Variants in PPP1R13B observed in about 807,000 individuals in gnomAD.
The protein encoded by PPP1R13B is apoptosis-stimulating of p53 protein 1.
PPP1R13B carries 44 observed loss-of-function variants against 119.8 expected under a neutral mutation model. That is an observed-to-expected ratio of 0.37 (90% CI 0.29 to 0.47). The LOEUF is 0.47. Among genes scored for constraint, PPP1R13B ranks in the 20% least tolerant of loss-of-function variants. PPP1R13B has a pLI of 0.99. For missense variants in PPP1R13B, 1,227 were observed against 1,413.5 expected (o/e 0.87, Z 2.12); for synonymous variants, 542 against 561.5 (o/e 0.97, Z 0.49).
At chr14:103,805,536 A>C (rs910179509) in intron 1 of PPP1R13B, among the ~76,000 whole-genome samples, 2 of 151,924 alleles carry the variant, frequency 1.3e-5, no homozygotes, top group African/African-American at 4.8e-5. Context: ...ATGCCACTGC[A>C]CTCCAGCTTG....
intron 3 of PPP1R13B, 116 bp downstream of exon 3, chr14:103,784,679 A>C: frequency 1.0e-6 from 1 of 978,196 alleles, no homozygotes; most frequent in Non-Finnish European, 1.4e-6. Context: ...CTTTCCCTCT[A>C]GCCACTTGTA....
chr14:103,754,905 G>A (rs532997561), intron 5 of PPP1R13B, among the ~76,000 whole-genome samples: 22 of 151,894 alleles, frequency 1.4e-4, no homozygotes, highest in African/African-American at 3.9e-4. Flanking sequence ...TCAGTCTACC[G>A]AGTAGCTGGG....
At chr14:103,795,411 T>G (rs530783489) in intron 2 of PPP1R13B, among the ~76,000 whole-genome samples, 8 of 152,154 alleles carry the variant, frequency 5.3e-5, no homozygotes, top group Non-Finnish European at 1.2e-4. Flanking sequence ...TGTACTGTGC[T>G]GTGACTCTGT....
At chr14:103,830,027 T>C (rs183919666) in intron 1 of PPP1R13B, among the ~76,000 whole-genome samples, 67 of 152,278 alleles carry the variant, frequency 4.4e-4, no homozygotes, top group African/African-American at 1.5e-3. Context: ...TCCACCCACC[T>C]TGGCCTCCCA....
rs762616764 is a variant in PPP1R13B, at chr14:103,797,527, C to T, written c.10-9G>A. On this transcript the variant is annotated splice_polypyrimidine_tract_variant and intron_variant, in intron 1 of 16. Coordinates refer to ENST00000202556, the MANE Select transcript of PPP1R13B (RefSeq NM_015316.3). ...AAAACAGTTAATATCATCTGTAAGACAAAAGAGTAAAGCTGTAATTTAGAT... is the reference window on the plus strand; with the variant it reads ...AAAACAGTTAATATCATCTGTAAGATAAAAGAGTAAAGCTGTAATTTAGAT... 4 of 1,606,478 alleles carry T rather than the reference C, an allele frequency of 2.5e-6. No individual in the cohort carries two copies. Among genetic ancestry groups the T allele is most frequent in the Non-Finnish European group, 3.4e-6 (4 of 1,175,098 alleles).
Position 103,733,731 on chromosome 14 carries a change from C to T in PPP1R13B, c.*1423G>A, listed in dbSNP as rs2084012289. 6.6e-6 allele frequency: 1 copy of T among 152,462 alleles called. No individual in the cohort carries two copies. Among genetic ancestry groups the T allele is most frequent in the Non-Finnish European group, 1.5e-5 (1 of 68,084 alleles). 9.4% of individuals were successfully genotyped at this position (152,462 alleles called of 1,614,324 possible). A position where few individuals can be genotyped will look rare whatever the true frequency, so the allele number is the denominator to read the frequency against. ...CTCGTGCCACAGCGCAGTCTGGGTCCAGAAAGAAGACTCACAGCCGCCGGG... is the reference window on the plus strand; with the variant it reads ...CTCGTGCCACAGCGCAGTCTGGGTCTAGAAAGAAGACTCACAGCCGCCGGG... On this transcript the variant is annotated 3_prime_UTR_variant, in exon 17 of 17. Transcript: ENST00000202556.
chr14:103,755,842 T>A (rs946110581), intron 5 of PPP1R13B, among the ~76,000 whole-genome samples: 21 of 152,236 alleles, frequency 1.4e-4, no homozygotes, highest in Non-Finnish European at 7.4e-5. Context: ...ACTTTCCAAT[T>A]GAACTTAACT....
chr14:103,738,735 G>A lies in PPP1R13B; in HGVS notation c.2808C>T (p.Ile936=), dbSNP rs375642844. The change falls in exon 14 of 17, where the codon ATC becomes ATT. Residue 936 remains isoleucine, a synonymous_variant. Coordinates refer to ENST00000202556, the MANE Select transcript of PPP1R13B (RefSeq NM_015316.3). The surrounding 1 kb of genome is among the most constrained non-coding windows in gnomAD (Gnocchi z 5.6). The stretch of plus-strand genomic sequence containing the variant: ...CACCAAAATCCAGCAGGAACTTCAC[G>A]ATGTGATGGTGGCCGGCGCAGACGG... ...HNAVCAGHHH[I]VKFLLDFGVN... 2.5e-6 allele frequency: 4 copies of A among 1,614,236 alleles called. No homozygotes were observed. Among genetic ancestry groups the A allele is most frequent in the South Asian group, 1.1e-5 (1 of 91,078 alleles).
intron 6 of PPP1R13B, 44 bp from the exon 7 acceptor site, chr14:103,753,240 C>CT: frequency 1.4e-6 from 2 of 1,467,246 alleles, no homozygotes; most frequent in African/African-American, 2.4e-5. Flanking sequence ...TTTAGTTGAT[C>CT]CTTTTTTTTT....
chr14:103,749,685 G>A lies in PPP1R13B; in HGVS notation c.969+109C>T. The A allele has an allele frequency of 4.4e-6, 5 of 1,133,186 alleles. No individual in the cohort carries two copies. In the Middle Eastern group the frequency reaches 6.1e-4, roughly 139 times the overall value. 70.2% of individuals were successfully genotyped at this position (1,133,186 alleles called of 1,614,324 possible). A position where few individuals can be genotyped will look rare whatever the true frequency, so the allele number is the denominator to read the frequency against. On this transcript the variant is annotated intron_variant, in intron 8 of 16. Transcript: ENST00000202556. ...TTTTGATGGTTTATGGCCTATTTAT[G>A]TTTTATCAGTTATGGTGGATGGGGG...
chr14:103,738,583 C>T lies in PPP1R13B; in HGVS notation c.2864+96G>A. ...TGATGGGTGTTCTTGCTCTAATTCT[C>T]TCTTCCGTGCTTCCTAATTGTCTAG... is the stretch of plus-strand genomic sequence containing the variant. On this transcript the variant is annotated intron_variant, in intron 14 of 16. Transcript: ENST00000202556. This position sits in a 1 kb window ranked among gnomAD's most constrained non-coding sequence, Gnocchi z 5.6. The T allele has an allele frequency of 6.5e-7, 1 of 1,534,894 alleles. No homozygotes were observed. The highest frequency in any genetic ancestry group is 8.9e-7 in the Non-Finnish European group (1 of 1,128,832).
intron 4 of PPP1R13B, 51 bp downstream of exon 4, chr14:103,778,694 C>T (rs762027872): frequency 2.0e-6 from 3 of 1,464,368 alleles, no homozygotes; most frequent in Non-Finnish European, 2.9e-6. Flanking sequence ...GTGTAACCCA[C>T]TGCACCTAGC....
intron 1 of PPP1R13B, among the ~76,000 whole-genome samples, chr14:103,843,951 CAA>C (rs35687195): frequency 1.5e-5 from 2 of 132,568 alleles, no homozygotes; most frequent in Non-Finnish European, 3.2e-5. Flanking sequence ...GACTCCGTCT[CAA>C]AAAAAAAAAA....
chr14:103,843,044 T>C (rs2086945462), intron 1 of PPP1R13B, among the ~76,000 whole-genome samples: 1 of 151,910 alleles, frequency 6.6e-6, no homozygotes, highest in Non-Finnish European at 1.5e-5. Flanking sequence ...CGAAAAGTTT[T>C]ACTAGCTACA....
intron 1 of PPP1R13B, among the ~76,000 whole-genome samples, chr14:103,802,900 C>G (rs1403302922): frequency 6.6e-6 from 1 of 152,164 alleles, no homozygotes; most frequent in African/African-American, 2.4e-5. Flanking sequence ...CTCGCAATAA[C>G]CCTGTCTTTC....
At chr14:103,780,552 T>C (rs534464101) in intron 3 of PPP1R13B, among the ~76,000 whole-genome samples, 104 of 142,956 alleles carry the variant, frequency 7.3e-4, no homozygotes, top group Admixed American at 9.2e-4. Context: ...TGGTGGCTCA[T>C]GCCTGTAATC....
At chr14:103,747,553 C>T (rs2084417518) in intron 8 of PPP1R13B, among the ~76,000 whole-genome samples, 1 of 151,594 alleles carries the variant, frequency 6.6e-6, no homozygotes, top group African/African-American at 2.4e-5. Flanking sequence ...TTTTGGGAAA[C>T]AGGTGGTGTT....
At chr14:103,844,715 G>A (rs148938363) in intron 1 of PPP1R13B, among the ~76,000 whole-genome samples, 1 of 152,022 alleles carries the variant, frequency 6.6e-6, no homozygotes, top group Admixed American at 6.6e-5. Context: ...AACAGAGTGA[G>A]ACTCTGTCAC....
In PPP1R13B at chr14:103,810,708, T is replaced by C. The variant is rs182587064; in HGVS notation, c.10-13190A>G. Reference sequence around the variant, plus strand: ...TATGGCGTGACCCGGGAGGTGGCGCTTGCAGTGAGCCGAGATCGCACCACT... The same window carrying C: ...TATGGCGTGACCCGGGAGGTGGCGCCTGCAGTGAGCCGAGATCGCACCACT... On this transcript the variant is annotated intron_variant, in intron 1 of 16. Coordinates refer to ENST00000202556, the MANE Select transcript of PPP1R13B (RefSeq NM_015316.3). Among the ~76,000 whole-genome samples, 357 of 151,782 alleles carry C rather than the reference T, an allele frequency of 2.4e-3. 1 individual carries two copies. Among genetic ancestry groups the C allele is most frequent in the Non-Finnish European group, 4.2e-3 (287 of 67,954 alleles).
Sources: allele counts gnomAD v4.1 joint callset (sites outside exome capture counted in the v4.1 genomes callset), GRCh38; gene constraint gnomAD v4.1.1; non-coding constraint Gnocchi (gnomAD v3.1); transcripts MANE v1.5; gene names NCBI Gene and HGNC (gene_info 2026-07-23, HGNC 2026-07-21).